The following HEATR3 variants were observed in gnomAD, a reference collection of about 807,000 sequenced individuals.
The protein encoded by HEATR3 is HEAT repeat-containing protein 3.
HEATR3 carries 56 observed loss-of-function variants against 72.8 expected under a neutral mutation model. The ratio of observed to expected loss-of-function variants is 0.77; its 90% confidence interval spans 0.62 to 0.96. The LOEUF (loss-of-function observed/expected upper bound fraction) is 0.96. HEATR3 is among the 40% of genes least tolerant of loss of function. The pLI is 0.00. For synonymous variants in HEATR3, 331 were observed against 318.1 expected (o/e 1.04, Z -0.43); for missense variants, 747 against 831.4 (o/e 0.90, Z 1.25).
rs113477913 is a variant in HEATR3, at chr16:50,066,006, T to G, written c.-126T>G. ...CGTGCGCCTGCGCACGGCTTGCCCA[T>G]GTGTGCTGCAGCCGTCAGCCGGCCC... is the stretch of plus-strand genomic sequence containing the variant. On this transcript the variant is annotated 5_prime_UTR_variant, in exon 1 of 15. An upstream start codon of the reference 5' UTR is lost. Coordinates refer to ENST00000299192, the MANE Select transcript of HEATR3 (RefSeq NM_182922.4). 3.0e-6 allele frequency: 2 copies of G among 664,226 alleles called. No individual in the cohort carries two copies. Among genetic ancestry groups the G allele is most frequent in the African/African-American group, 2.5e-5 (1 of 40,586 alleles). 41.1% of individuals were successfully genotyped at this position (664,226 alleles called of 1,614,324 possible).
intron 12 of HEATR3, among the ~76,000 whole-genome samples, chr16:50,096,324 CAAAAAAAAA>C (rs59995532): frequency 1.2e-5 from 1 of 86,820 alleles, no homozygotes; most frequent in African/African-American, 4.5e-5. Flanking sequence ...GACTCCGTCT[CAAAAAAAAA>C]AAAAAAAAAA....
chr16:50,088,380 G>A (rs115054810), intron 11 of HEATR3, among the ~76,000 whole-genome samples: 75 of 152,288 alleles, frequency 4.9e-4, no homozygotes, highest in African/African-American at 1.8e-3. Flanking sequence ...TCAGTTAACA[G>A]GTGTACCTTT....
In HEATR3 at chr16:50,066,092, C is replaced by T. The variant is rs759383040; in HGVS notation, c.-40C>T. ...GGCAGCCTCCACCGCCTGCTGTTGC[C>T]CTCCTCTCTCGGTGGTCTGTCCGCC... On this transcript the variant is annotated 5_prime_UTR_variant, in exon 1 of 15. Coordinates refer to ENST00000299192, the MANE Select transcript of HEATR3 (RefSeq NM_182922.4). 30 of 1,557,422 alleles carry T rather than the reference C, an allele frequency of 1.9e-5. No homozygotes were observed. The highest frequency in any genetic ancestry group is 1.6e-4 in the South Asian group (14 of 85,048).
intron 7 of HEATR3, among the ~76,000 whole-genome samples, chr16:50,080,870 C>T (rs1023611242): frequency 4.6e-5 from 7 of 152,118 alleles, no homozygotes; most frequent in Admixed American, 2.0e-4. Flanking sequence ...TCTGTTGATC[C>T]TATCTGATAT....
chr16:50,082,738 A>G (rs1462829772), intron 7 of HEATR3, among the ~76,000 whole-genome samples: 1 of 147,202 alleles, frequency 6.8e-6, no homozygotes, highest in African/African-American at 2.5e-5. Flanking sequence ...CTTGGGCAAT[A>G]TACTGAGACC....
In HEATR3 at chr16:50,092,436, CTT is replaced by C. The variant is rs375532097; in HGVS notation, c.1511-2254_1511-2253del. Among the ~76,000 whole-genome samples, 14 of 106,024 alleles carry C rather than the reference CTT, an allele frequency of 1.3e-4. No individual in the cohort carries two copies. In the South Asian group the frequency reaches 3.8e-3, roughly 29 times the overall value. The allele number at this position is 106,024 out of a possible 152,430, so 69.6% of individuals were successfully genotyped here. ...GGTCATTCTTTTTTTTTTCTTTTTT[CTT>C]TTTTTTTTTTTTTTCCTGAGACGAG... is the stretch of plus-strand genomic sequence containing the variant. On this transcript the variant is annotated intron_variant, in intron 11 of 14. Transcript: ENST00000299192.
chr16:50,105,219 C>T lies in HEATR3; in HGVS notation c.*158C>T, dbSNP rs187933867. 2.9e-5 allele frequency: 22 copies of T among 750,004 alleles called. No individual in the cohort carries two copies. The highest frequency in any genetic ancestry group is 9.2e-5 in the Admixed American group (3 of 32,444). The allele number at this position is 750,004 out of a possible 1,614,324, so 46.5% of individuals were successfully genotyped here. On this transcript the variant is annotated 3_prime_UTR_variant, in exon 15 of 15. Coordinates refer to ENST00000299192, the MANE Select transcript of HEATR3 (RefSeq NM_182922.4). ...CAAAACCTGGCCAGGCATGGTGGCTCACGCCTATAATCCCAGCACCTTGGG... is the reference window on the plus strand; with the variant it reads ...CAAAACCTGGCCAGGCATGGTGGCTTACGCCTATAATCCCAGCACCTTGGG...
intron 14 of HEATR3, among the ~76,000 whole-genome samples, chr16:50,104,405 T>A (rs2037435431): frequency 6.6e-6 from 1 of 150,888 alleles, no homozygotes; most frequent in African/African-American, 2.4e-5. Flanking sequence ...ACAAAGGAAT[T>A]TTTTTTTTAA....
At chr16:50,089,892 C>T (rs1433044066) in intron 11 of HEATR3, among the ~76,000 whole-genome samples, 1 of 152,086 alleles carries the variant, frequency 6.6e-6, no homozygotes, top group Admixed American at 6.6e-5. Context: ...GTCTTGAACT[C>T]CTGACCTTGT....
At chr16:50,077,029 A>G (rs1597146020) in intron 6 of HEATR3, among the ~76,000 whole-genome samples, 1 of 151,300 alleles carries the variant, frequency 6.6e-6, no homozygotes, top group Admixed American at 6.6e-5. Flanking sequence ...CACCACGCCC[A>G]GCTAATTTTT....
At chr16:50,076,183 T>TTA (rs2036723339) in intron 6 of HEATR3, among the ~76,000 whole-genome samples, 2 of 151,602 alleles carry the variant, frequency 1.3e-5, no homozygotes, top group African/African-American at 4.8e-5. Context: ...ATTTTTTTTT[T>TTA]ACTTTTTTAC....
rs891511771 is a variant in HEATR3, at chr16:50,106,834, T to C, written c.*1773T>C. On this transcript the variant is annotated 3_prime_UTR_variant, in exon 15 of 15. Transcript: ENST00000299192. ...TTTTACAGTTTTCACCTATATGATA[T>C]AGACTGTTGGGAAACCAAGATTGTT... 5.3e-5 allele frequency among the ~76,000 whole-genome samples: 8 copies of C among 152,178 alleles called. No individual in the cohort carries two copies. Among genetic ancestry groups the C allele is most frequent in the Admixed American group, 2.6e-4 (4 of 15,256 alleles).
intron 5 of HEATR3, chr16:50,074,262 AT>A: frequency 6.6e-6 from 1 of 152,312 alleles, no homozygotes; most frequent in Non-Finnish European, 1.5e-5. Context: ...GTCATGATAA[AT>A]TTAAAGGAAG....
At chr16:50,094,617 A>G in intron 11 of HEATR3, 88 bp from the exon 12 acceptor site, 1 of 728,846 alleles carries the variant, frequency 1.4e-6, no homozygotes. Flanking sequence ...ATTTATTAAC[A>G]TTTAGCATGC....
chr16:50,104,576 A>T (rs1377709558), intron 14 of HEATR3, among the ~76,000 whole-genome samples: 1 of 152,178 alleles, frequency 6.6e-6, no homozygotes, highest in Non-Finnish European at 1.5e-5. Flanking sequence ...GAAGAAAAAC[A>T]ATTAAGTATT....
chr16:50,093,470 C>T (rs1218586338), intron 11 of HEATR3, among the ~76,000 whole-genome samples: 1 of 152,162 alleles, frequency 6.6e-6, no homozygotes, highest in African/African-American at 2.4e-5. Context: ...TTGGCAACGT[C>T]TGGAGGTATT....
chr16:50,066,212 G>A lies in HEATR3; in HGVS notation c.81G>A (p.Ala27=), dbSNP rs780151945. ...TGDCQAEAAA[A]ANGTGGEEDD... ...ACTGTCAGGCCGAGGCGGCTGCGGC[G>A]GCGAATGGGACCGGAGGCGAGGAGG... The change falls in exon 1 of 15, where the codon GCG becomes GCA. Residue 27 remains alanine, a synonymous_variant. Transcript: ENST00000299192. The A allele has an allele frequency of 1.5e-4, 236 of 1,579,492 alleles. No individual in the cohort carries two copies. Among genetic ancestry groups the A allele is most frequent in the Non-Finnish European group, 1.9e-4 (220 of 1,164,290 alleles).
chr16:50,066,576 G>A (rs2036501844), intron 2 of HEATR3, 37 bp downstream of exon 2: 1 of 1,267,682 alleles, frequency 7.9e-7, no homozygotes, highest in East Asian at 3.2e-5. Context: ...GCCCACCGCT[G>A]GCCTCCCCCG....
In HEATR3 at chr16:50,078,804, T is replaced by C; in HGVS notation, c.827T>C (p.Leu276Ser). 2 of 1,614,044 alleles carry C rather than the reference T, an allele frequency of 1.2e-6. No individual in the cohort carries two copies. Among genetic ancestry groups the C allele is most frequent in the Non-Finnish European group, 1.7e-6 (2 of 1,179,934 alleles). ...AGTCAAGCAGAAATCATAAATGCCTTACTAAAGATCTTATCTGAAGTTTTG... is the reference window on the plus strand; with the variant it reads ...AGTCAAGCAGAAATCATAAATGCCTCACTAAAGATCTTATCTGAAGTTTTG... ...CKSQAEIINA[L>S]LKILSEVLGM... The change falls in exon 7 of 15, where the codon TTA becomes TCA. Residue 276 changes from leucine (L) to serine (S), a missense_variant. By Grantham distance (145) the Leu-to-Ser change is moderately radical. Coordinates refer to ENST00000299192, the MANE Select transcript of HEATR3 (RefSeq NM_182922.4).
Sources: allele counts gnomAD v4.1 joint callset (sites outside exome capture counted in the v4.1 genomes callset), GRCh38; gene constraint gnomAD v4.1.1; transcripts MANE v1.5; gene names NCBI Gene and HGNC (gene_info 2026-07-23, HGNC 2026-07-21).